FDXR: variants seen among roughly 807,000 people sequenced by gnomAD.
FDXR encodes the protein ferredoxin reductase.
In FDXR, 38 loss-of-function variants were observed where a neutral mutation model predicts 58.3. The observed-to-expected ratio is 0.65, with a 90% confidence interval of 0.50 to 0.85. The LOEUF (loss-of-function observed/expected upper bound fraction) is 0.85. Ranked by LOEUF, FDXR falls within the 40% of genes least tolerant of loss-of-function variation. The probability of loss-of-function intolerance (pLI) is 0.00; values close to 1 mark genes in which losing one functional copy is unlikely to be tolerated. For missense variants in FDXR, 624 were observed against 671.0 expected (o/e 0.93, Z 0.77); for synonymous variants, 275 against 273.8 (o/e 1.00, Z -0.04).
Position 74,862,618 on chromosome 17 carries a change from C to G in FDXR, c.*199G>C. 1 of 654,164 alleles carries G rather than the reference C, an allele frequency of 1.5e-6. No individual in the cohort carries two copies. Among genetic ancestry groups the G allele is most frequent in the Non-Finnish European group, 2.5e-6 (1 of 397,036 alleles). 40.5% of individuals were successfully genotyped at this position (654,164 alleles called of 1,614,324 possible). On this transcript the variant is annotated 3_prime_UTR_variant, in exon 12 of 12. Coordinates refer to ENST00000293195, the MANE Select transcript of FDXR (RefSeq NM_024417.5). ...CACCTCCACCTGTCCCTAAGGTTAC[C>G]TCAGTTGCTGAAAGCTAAAACCTTG...
intron 2 of FDXR, among the ~76,000 whole-genome samples, chr17:74,867,604 G>T (rs1323581879): frequency 6.6e-6 from 1 of 152,126 alleles, no homozygotes; most frequent in Non-Finnish European, 1.5e-5. Flanking sequence ...ACAGGGAGGG[G>T]GCACGGCTGG....
Position 74,862,697 on chromosome 17 carries a change from A to G in FDXR, c.*120T>C. On this transcript the variant is annotated 3_prime_UTR_variant, in exon 12 of 12. Coordinates refer to ENST00000293195, the MANE Select transcript of FDXR (RefSeq NM_024417.5). ...AGGAGAGACGCTGGAAGAGCAGCCA[A>G]GCCTCCAAGCCAGGGCCGGCCGGGA... The G allele has an allele frequency of 2.2e-6, 3 of 1,343,040 alleles. No individual in the cohort carries two copies. Among genetic ancestry groups the G allele is most frequent in the Non-Finnish European group, 3.0e-6 (3 of 1,000,558 alleles). The allele number at this position is 1,343,040 out of a possible 1,614,324, so 83.2% of individuals were successfully genotyped here. A position where few individuals can be genotyped will look rare whatever the true frequency, so the allele number is the denominator to read the frequency against.
At position 74,862,840 on chromosome 17, in the gene FDXR, TCTC is replaced by T. The variant is rs1287810623; in HGVS notation, c.1450_1452del (p.Glu484del). The stretch of plus-strand genomic sequence containing the variant: ...GCTCAGTGGCCCAGGAGGCGCAGCA[TCTC>T]CTGAGGATCCACCAGCTTCTCCCTG... On this transcript the variant is annotated inframe_deletion, in exon 12 of 12. Coordinates refer to ENST00000293195, the MANE Select transcript of FDXR (RefSeq NM_024417.5). The T allele has an allele frequency of 1.2e-6, 2 of 1,611,986 alleles. No individual in the cohort carries two copies. The highest frequency in any genetic ancestry group is 4.5e-5 in the East Asian group (2 of 44,892).
rs754004123 is a variant in FDXR, at chr17:74,867,003, C to T, written c.178-127G>A. On this transcript the variant is annotated intron_variant, in intron 2 of 11. Transcript: ENST00000293195. Reference sequence around the variant, plus strand: ...TGGGCTGAGAACACAAGGCTTCCACCCTCTGCAAGGAAAAAGAGCACTCAC... The same window carrying T: ...TGGGCTGAGAACACAAGGCTTCCACTCTCTGCAAGGAAAAAGAGCACTCAC... 8.9e-5 allele frequency: 133 copies of T among 1,493,612 alleles called. 1 individual carries two copies. In the South Asian group the frequency reaches 1.0e-3, roughly 11 times the overall value. The allele number at this position is 1,493,612 out of a possible 1,614,324, so 92.5% of individuals were successfully genotyped here. A position where few individuals can be genotyped will look rare whatever the true frequency, so the allele number is the denominator to read the frequency against.
chr17:74,865,658 G>T, intron 6 of FDXR, 61 bp downstream of exon 6: 1 of 1,169,172 alleles, frequency 8.6e-7, no homozygotes, highest in Non-Finnish European at 1.2e-6. Context: ...CTGCAGACAA[G>T]GGCACTCTCT....
rs1277561512 is a variant in FDXR at position 74,872,020 on chromosome 17, T to C, written c.177+16A>G. ...GGAGCAGCAGGTGAATGATGGACTATGAGTAAGTGGCTTACCTTTAGCAGG... is the reference window on the plus strand; with the variant it reads ...GGAGCAGCAGGTGAATGATGGACTACGAGTAAGTGGCTTACCTTTAGCAGG... On this transcript the variant is annotated intron_variant, in intron 2 of 11. Coordinates refer to ENST00000293195, the MANE Select transcript of FDXR (RefSeq NM_024417.5). 6.4e-7 allele frequency: 1 copy of C among 1,553,784 alleles called. No individual in the cohort carries two copies. Among genetic ancestry groups the C allele is most frequent in the Non-Finnish European group, 8.7e-7 (1 of 1,148,712 alleles).
At chr17:74,865,328 CAGA>C (rs2144655686) in intron 6 of FDXR, among the ~76,000 whole-genome samples, 1 of 152,132 alleles carries the variant, frequency 6.6e-6, no homozygotes, top group East Asian at 1.9e-4. Flanking sequence ...TGCGGTGAAA[CAGA>C]AGTAGACAGG....
Position 74,866,045 on chromosome 17 carries a change from A to G in FDXR, c.507+86T>C, listed in dbSNP as rs549074306. The G allele has an allele frequency of 2.4e-4, 268 of 1,107,250 alleles. 1 individual carries two copies. In the Middle Eastern group the frequency reaches 3.4e-3, roughly 14 times the overall value. 68.6% of individuals were successfully genotyped at this position (1,107,250 alleles called of 1,614,324 possible). A position where few individuals can be genotyped will look rare whatever the true frequency, so the allele number is the denominator to read the frequency against. On this transcript the variant is annotated intron_variant, in intron 5 of 11. Transcript: ENST00000293195. The stretch of plus-strand genomic sequence containing the variant: ...GCACAATGTCACAGCTCGCCACTGG[A>G]TGGCAGCTCCCTCTTCCCCCAGGTC...
In FDXR at chr17:74,864,065, A is replaced by G. The variant is rs1380890570; in HGVS notation, c.1005T>C (p.Gly335=). ...GVRLAVTRLE[G]VDEATRAVPT... ...GCACTGCACGGGTGGCCTCATCGAC[A>G]CCCTGTTGGGGAGAGTGTGGGCAAC... Residue 335 remains glycine, a splice_region_variant and synonymous_variant, in exon 10 of 12, where the codon GGT becomes GGC. Coordinates refer to ENST00000293195, the MANE Select transcript of FDXR (RefSeq NM_024417.5). 1 of 1,613,702 alleles carries G rather than the reference A, an allele frequency of 6.2e-7. No homozygotes were observed. The highest frequency in any genetic ancestry group is 2.2e-5 in the East Asian group (1 of 44,880).
chr17:74,864,212 T>C lies in FDXR; in HGVS notation c.938A>G (p.Gln313Arg). 1 of 1,609,628 alleles carries C rather than the reference T, an allele frequency of 6.2e-7. No homozygotes were observed. The highest frequency in any genetic ancestry group is 8.5e-7 in the Non-Finnish European group (1 of 1,177,458). The change falls in exon 9 of 12, where the codon CAG (glutamine) becomes CGG (arginine). Residue 313 changes from glutamine (Q) to arginine (R), a missense_variant. By Grantham distance (43) the Gln-to-Arg change is conservative. Coordinates refer to ENST00000293195, the MANE Select transcript of FDXR (RefSeq NM_024417.5). ...CCGCCCATCTGGTGAGGGCAGCACC[T>C]GCTGGGGGCTTCGGAAAAAGCGGAG... The part of the protein sequence containing the change: ...WGLRFFRSPQ[Q>R]VLPSPDGRRA...
chr17:74,865,851 C>G, intron 5 of FDXR, 31 bp from the exon 6 acceptor site: 3 of 1,541,778 alleles, frequency 1.9e-6, no homozygotes, highest in Non-Finnish European at 1.8e-6. Context: ...TAGGGTCCCC[C>G]AGCCTCGCTC....
chr17:74,862,547 C>G lies in FDXR; in HGVS notation c.*270G>C, dbSNP rs1159206708. 2.5e-6 allele frequency: 1 copy of G among 400,102 alleles called. No individual in the cohort carries two copies. Among genetic ancestry groups the G allele is most frequent in the East Asian group, 3.8e-5 (1 of 26,530 alleles). 24.8% of individuals were successfully genotyped at this position (400,102 alleles called of 1,614,324 possible). A position where few individuals can be genotyped will look rare whatever the true frequency, so the allele number is the denominator to read the frequency against. On this transcript the variant is annotated 3_prime_UTR_variant, in exon 12 of 12. Coordinates refer to ENST00000293195, the MANE Select transcript of FDXR (RefSeq NM_024417.5). ...AGCATGTTCCCAACCTGGTGACCCT[C>G]CACAGTCCAGCAGTAGAGAGATGGG...
At chr17:74,872,436 C>T in intron 1 of FDXR, 1 of 699,838 alleles carries the variant, frequency 1.4e-6, no homozygotes, top group African/African-American at 1.8e-5. Context: ...CTTCCAACGG[C>T]CTCCATATCA....
intron 2 of FDXR, among the ~76,000 whole-genome samples, chr17:74,871,029 C>T (rs985465355): frequency 4.0e-5 from 6 of 151,734 alleles, no homozygotes; most frequent in Non-Finnish European, 8.8e-5. Context: ...TCTCAAACTC[C>T]TGACTTCAAG....
At position 74,864,075 on chromosome 17, in the gene FDXR, G is replaced by A. The variant is rs1555619332; in HGVS notation, c.1003-8C>T. The A allele has an allele frequency of 1.9e-6, 3 of 1,613,750 alleles. No individual in the cohort carries two copies. Among genetic ancestry groups the A allele is most frequent in the Admixed American group, 1.7e-5 (1 of 60,032 alleles). Reference sequence around the variant, plus strand: ...GGTGGCCTCATCGACACCCTGTTGGGGAGAGTGTGGGCAACACCAGGCGGG... The same window carrying A: ...GGTGGCCTCATCGACACCCTGTTGGAGAGAGTGTGGGCAACACCAGGCGGG... On this transcript the variant is annotated splice_region_variant and splice_polypyrimidine_tract_variant and intron_variant, in intron 9 of 11. Transcript: ENST00000293195.
chr17:74,870,335 G>A (rs1035469823), intron 2 of FDXR, among the ~76,000 whole-genome samples: 3 of 152,032 alleles, frequency 2.0e-5, no homozygotes, highest in South Asian at 2.1e-4. Flanking sequence ...TGATCAACAT[G>A]GTGAAACCCT....
Position 74,862,838 on chromosome 17 carries a change from C to T in FDXR, c.1455G>A (p.Met485Ile). ...PREKLVDPQE[M>I]LRLLGH ...GGGCTCAGTGGCCCAGGAGGCGCAG[C>T]ATCTCCTGAGGATCCACCAGCTTCT... The change falls in exon 12 of 12, where the codon ATG (methionine) becomes ATA (isoleucine). Residue 485 changes from methionine to isoleucine, a missense_variant. Met to Ile is a conservative substitution (Grantham distance 10). Transcript: ENST00000293195. 6.2e-7 allele frequency: 1 copy of T among 1,611,996 alleles called. No homozygotes were observed.
chr17:74,871,190 G>A (rs2038364670), intron 2 of FDXR, among the ~76,000 whole-genome samples: 1 of 152,214 alleles, frequency 6.6e-6, no homozygotes, highest in South Asian at 2.1e-4. Context: ...CGTGTTGCCT[G>A]GGAAGCATGC....
At position 74,863,911 on chromosome 17, in the gene FDXR, C is replaced by G; in HGVS notation, c.1159G>C (p.Val387Leu). 1 of 1,613,296 alleles carries G rather than the reference C, an allele frequency of 6.2e-7. No homozygotes were observed. The highest frequency in any genetic ancestry group is 8.5e-7 in the Non-Finnish European group (1 of 1,179,472). Residue 387 changes from valine (V) to leucine (L), a missense_variant, in exon 10 of 12, where the codon GTT becomes CTT. Coordinates refer to ENST00000293195, the MANE Select transcript of FDXR (RefSeq NM_024417.5). The part of the protein sequence containing the change: ...LGVIPNVEGR[V>L]MDVPGLYCSG... ...ACCCTCTCACCTGGCACATCCATAA[C>G]CCGGCCCTCCACATTGGGGATGACC...
Sources: gnomAD v4.1 joint callset for allele counts (sites outside exome capture counted in the v4.1 genomes callset) on GRCh38, gnomAD v4.1.1 for gene constraint, MANE v1.5 for transcripts, NCBI Gene and HGNC (gene_info 2026-07-23, HGNC 2026-07-21) for gene names.